The following SPAG16 variants were observed in gnomAD, a reference collection of about 807,000 sequenced individuals.
The protein encoded by SPAG16 is sperm associated antigen 16.
In SPAG16, 86 loss-of-function variants were observed where a neutral mutation model predicts 80.4. The ratio of observed to expected loss-of-function variants is 1.07; its 90% CI spans 0.90 to 1.28. SPAG16 has a LOEUF of 1.28. Ranked by LOEUF, SPAG16 falls within the 50% of genes most tolerant of loss-of-function variation. The pLI is 0.00. For missense variants in SPAG16, 870 were observed against 765.3 expected (o/e 1.14, Z -1.61); for synonymous variants, 294 against 265.9 (o/e 1.11, Z -1.03).
chr2:214,138,731 T>G (rs901918516), intron 14 of SPAG16, among the ~76,000 whole-genome samples: 14 of 152,150 alleles, frequency 9.2e-5, no homozygotes, highest in Admixed American at 2.0e-4. Flanking sequence ...ATATGCATAT[T>G]ACACATTTTC....
chr2:213,285,210 T>C (rs1479040320), intron 1 of SPAG16, among the ~76,000 whole-genome samples: 2 of 152,192 alleles, frequency 1.3e-5, no homozygotes, highest in Non-Finnish European at 2.9e-5. Flanking sequence ...TTTTTTTTCT[T>C]GAGCAAATAA....
At chr2:213,860,143 C>A (rs1388064664) in intron 10 of SPAG16, among the ~76,000 whole-genome samples, 3 of 152,006 alleles carry the variant, frequency 2.0e-5, no homozygotes, top group African/African-American at 7.2e-5. Context: ...TTTGGAACTC[C>A]TCCCTGGGGG....
chr2:214,111,566 A>C (rs969966470), intron 14 of SPAG16, among the ~76,000 whole-genome samples: 3 of 152,188 alleles, frequency 2.0e-5, no homozygotes, highest in African/African-American at 7.2e-5. Flanking sequence ...AGGTAGCGTG[A>C]TGCCTCCAGC....
chr2:214,067,164 G>C (rs984168094), intron 13 of SPAG16, among the ~76,000 whole-genome samples: 1 of 152,124 alleles, frequency 6.6e-6, no homozygotes, highest in Non-Finnish European at 1.5e-5. Flanking sequence ...TAGTGAAGAG[G>C]GAGGGAGAGC....
At chr2:213,833,566 AAT>A (rs1411854859) in intron 10 of SPAG16, among the ~76,000 whole-genome samples, 1 of 11,362 alleles carries the variant, frequency 8.8e-5, no homozygotes, top group Admixed American at 2.0e-3. Context: ...TAATATATAT[AAT>A]ATATATATAA....
intron 15 of SPAG16, among the ~76,000 whole-genome samples, chr2:214,255,533 C>T (rs1476778804): frequency 1.3e-5 from 2 of 151,954 alleles, no homozygotes; most frequent in Non-Finnish European, 2.9e-5. Flanking sequence ...TACAGTTACT[C>T]TAAACACTTC....
chr2:214,263,034 C>G (rs1691291668), intron 15 of SPAG16, among the ~76,000 whole-genome samples: 1 of 151,884 alleles, frequency 6.6e-6, no homozygotes, highest in African/African-American at 2.4e-5. Flanking sequence ...AAGCTAATGC[C>G]TCTATCACTT....
chr2:213,962,104 G>A (rs1364365270), intron 12 of SPAG16, among the ~76,000 whole-genome samples: 1 of 151,916 alleles, frequency 6.6e-6, no homozygotes, highest in African/African-American at 2.4e-5. Context: ...TAAGCCCCAA[G>A]TAATTCTATT....
chr2:213,934,120 G>C (rs1510545), intron 12 of SPAG16, among the ~76,000 whole-genome samples: 5 of 152,198 alleles, frequency 3.3e-5, no homozygotes, highest in Admixed American at 2.0e-4. Flanking sequence ...AATGGGGAAA[G>C]GTGCTCCTCT....
chr2:213,888,715 C>T (rs1443906700), intron 11 of SPAG16, among the ~76,000 whole-genome samples: 1 of 151,714 alleles, frequency 6.6e-6, no homozygotes, highest in African/African-American at 2.4e-5. Flanking sequence ...CATCATATTG[C>T]CATTGTATGT....
At chr2:214,234,073 T>C (rs1688901090) in intron 15 of SPAG16, among the ~76,000 whole-genome samples, 1 of 120,696 alleles carries the variant, frequency 8.3e-6, no homozygotes, top group Non-Finnish European at 2.1e-5. Flanking sequence ...TATGTGTTGT[T>C]TCCCCCCCCA....
intron 10 of SPAG16, among the ~76,000 whole-genome samples, chr2:213,553,821 A>T (rs537028841): frequency 6.6e-6 from 1 of 152,254 alleles, no homozygotes; most frequent in East Asian, 1.9e-4. Context: ...CTCTATAAAG[A>T]GCTAGGTTCT....
At chr2:213,462,097 G>A in intron 9 of SPAG16, among the ~76,000 whole-genome samples, 1 of 152,182 alleles carries the variant, frequency 6.6e-6, no homozygotes, top group Non-Finnish European at 1.5e-5. Context: ...CACATTAACA[G>A]CAAATAAATA....
At chr2:213,704,960 A>AG (rs1159090457) in intron 10 of SPAG16, among the ~76,000 whole-genome samples, 2 of 152,194 alleles carry the variant, frequency 1.3e-5, no homozygotes, top group African/African-American at 4.8e-5. Flanking sequence ...TTAGAAAAAA[A>AG]AAATTAAATA....
intron 10 of SPAG16, among the ~76,000 whole-genome samples, chr2:213,580,879 C>A (rs1047525304): frequency 2.0e-5 from 3 of 151,856 alleles, no homozygotes; most frequent in African/African-American, 7.3e-5. Context: ...CATGTATCTC[C>A]CAGCCTATCA....
At chr2:213,326,807 A>G (rs2063861844) in intron 5 of SPAG16, among the ~76,000 whole-genome samples, 1 of 152,060 alleles carries the variant, frequency 6.6e-6, no homozygotes, top group South Asian at 2.1e-4. Flanking sequence ...TCATTATTAA[A>G]TGATCATTCA....
intron 11 of SPAG16, among the ~76,000 whole-genome samples, chr2:213,865,819 A>G (rs1273703810): frequency 6.8e-6 from 1 of 148,108 alleles, no homozygotes; most frequent in African/African-American, 2.4e-5. Flanking sequence ...GGTACAATAC[A>G]TTAGATATCC....
At chr2:213,694,840 G>A (rs2065093555) in intron 10 of SPAG16, among the ~76,000 whole-genome samples, 1 of 150,190 alleles carries the variant, frequency 6.7e-6, no homozygotes, top group Admixed American at 6.7e-5. Flanking sequence ...AAGTATTATT[G>A]CACTCCATCT....
chr2:213,501,570 T>G (rs1212690624), intron 10 of SPAG16, among the ~76,000 whole-genome samples: 1 of 152,236 alleles, frequency 6.6e-6, no homozygotes, highest in Non-Finnish European at 1.5e-5. Context: ...TTAGTATGTC[T>G]TAAGACCTGC....
Sources: gnomAD v4.1 joint callset for allele counts (sites outside exome capture counted in the v4.1 genomes callset) on GRCh38, gnomAD v4.1.1 for gene constraint, MANE v1.5 for transcripts, NCBI Gene and HGNC (gene_info 2026-07-23, HGNC 2026-07-21) for gene names.